The following PPP2R3B variants were observed in gnomAD, a reference collection of about 807,000 sequenced individuals.
PPP2R3B encodes the protein serine/threonine-protein phosphatase 2A regulatory subunit B'' subunit beta.
A neutral mutation model predicts 72.9 loss-of-function variants in PPP2R3B; 68 were observed. The observed-to-expected ratio is 0.93, with a 90% CI of 0.77 to 1.14. PPP2R3B has a LOEUF of 1.14. PPP2R3B is among the 50% of genes most tolerant of loss of function. The pLI is 0.00. For synonymous variants in PPP2R3B, 466 were observed against 375.8 expected, an observed-to-expected ratio of 1.24 and a Z score of -2.78; for missense variants, 1,018 against 842.0, an observed-to-expected ratio of 1.21 and a Z score of -2.59.
At position 334,277 on chromosome X, in the gene PPP2R3B, TC is replaced by T. The variant is rs2070823619; in HGVS notation, c.*89del. 3 of 1,336,262 alleles carry T rather than the reference TC, an allele frequency of 2.2e-6. No homozygotes were observed. The East Asian group carries it at 8.4e-5, about 38-fold the overall frequency. 82.8% of individuals were successfully genotyped at this position (1,336,262 alleles called of 1,614,324 possible). A position where few individuals can be genotyped will look rare whatever the true frequency, so the allele number is the denominator to read the frequency against. On this transcript the variant is annotated 3_prime_UTR_variant, in exon 13 of 13. Transcript: ENST00000390665. ...AGTTTATCATTCCGTACAAACGCAC[TC>T]ATTTTCCACAACAGTTTTTACACGA...
intron 5 of PPP2R3B, 159 bp downstream of exon 5, chrX:346,542 T>C (rs1342606280): frequency 1.1e-4 from 77 of 716,744 alleles, no homozygotes; most frequent in Admixed American, 7.5e-4. Flanking sequence ...AACACCGGGC[T>C]CCCGGGCGGG....
At position 386,722 on chromosome X, in the gene PPP2R3B, CG is replaced by C. The variant is rs1223231233; in HGVS notation, c.-32del. On this transcript the variant is annotated 5_prime_UTR_variant, in exon 1 of 13. Transcript: ENST00000390665. The stretch of plus-strand genomic sequence containing the variant: ...GGGCTGGGCCCGCGGCGCCCCCGGA[CG>C]CCCGCGCCCCGCCCCGCCCCGGGGG... 32 of 1,215,370 alleles carry C rather than the reference CG, an allele frequency of 2.6e-5. No homozygotes were observed. The Admixed American group carries it at 7.6e-4, about 29-fold the overall frequency. 75.3% of individuals were successfully genotyped at this position (1,215,370 alleles called of 1,614,324 possible).
Position 340,821 on chromosome X carries a change from A to C in PPP2R3B, c.1295T>G (p.Leu432Arg). 6.2e-7 allele frequency: 1 copy of C among 1,611,848 alleles called. No homozygotes were observed. Among genetic ancestry groups the C allele is most frequent in the East Asian group, 2.2e-5 (1 of 44,822 alleles). ...RRLDSMAIEALPFQDCLCQML... is the reference protein window; with the variant it reads ...RRLDSMAIEARPFQDCLCQML... ...CTGGCAGAGGCAGTCCTGGAAGGGC[A>C]GGGCCTCGATGGCCATGCTGTCCAG... The change falls in exon 10 of 13, where the codon CTG (leucine) becomes CGG (arginine). Residue 432 changes from leucine to arginine, a missense_variant. Leu to Arg is a moderately radical substitution (Grantham distance 102). Coordinates refer to ENST00000390665, the MANE Select transcript of PPP2R3B (RefSeq NM_013239.5).
intron 1 of PPP2R3B, 60 bp from the exon 2 acceptor site, chrX:361,650 C>G (rs2071544143): frequency 5.0e-6 from 8 of 1,590,844 alleles, no homozygotes; most frequent in Non-Finnish European, 6.9e-6. Flanking sequence ...CCTTCTTCAC[C>G]CGGACAACAC....
At chrX:352,497 G>A (rs1214413457) in intron 2 of PPP2R3B, among the ~76,000 whole-genome samples, 3 of 152,240 alleles carry the variant, frequency 2.0e-5, no homozygotes, top group Non-Finnish European at 4.4e-5. Context: ...CTCAGCACAT[G>A]CGTGTGGGAC....
chrX:364,385 T>G lies in PPP2R3B; in HGVS notation c.325-2795A>C, dbSNP rs1208661881. Among the ~76,000 whole-genome samples, 7 of 151,158 alleles carry G rather than the reference T, an allele frequency of 4.6e-5. No homozygotes were observed. The East Asian group carries it at 1.2e-3, about 25-fold the overall frequency. On this transcript the variant is annotated intron_variant, in intron 1 of 12. Coordinates refer to ENST00000390665, the MANE Select transcript of PPP2R3B (RefSeq NM_013239.5). ...GGTCACCAGGATGCTGCGAAAACCC[T>G]CAAACCGGCCGGGCTCGTGCCTGCA... is the stretch of plus-strand genomic sequence containing the variant.
At chrX:347,980 A>C (rs984596230) in intron 2 of PPP2R3B, 2 of 414,906 alleles carry the variant, frequency 4.8e-6, no homozygotes, top group African/African-American at 4.2e-5. Flanking sequence ...GCGTCTGGAA[A>C]TCAAGCGGCA....
chrX:356,825 G>GAGCCCCACAGTATCCACACCCTGCC (rs2071444226), intron 2 of PPP2R3B, among the ~76,000 whole-genome samples: 3 of 112,462 alleles, frequency 2.7e-5, no homozygotes, highest in African/African-American at 8.4e-5. Context: ...AGCCACACGG[G>GAGCCCCACAGTATCCACACCCTGCC]AGCCCCACGG....
At chrX:340,690 T>TCCGTCCCCTCACCCTGGG in intron 10 of PPP2R3B, 75 bp downstream of exon 10, 1 of 1,556,796 alleles carries the variant, frequency 6.4e-7, no homozygotes, top group Non-Finnish European at 8.7e-7. Flanking sequence ...CTCTCGCCCG[T>TCCGTCCCCTCACCCTGGG]CCGTCCCCTC....
intron 2 of PPP2R3B, 92 bp downstream of exon 2, chrX:361,313 G>A (rs1304126568): frequency 1.9e-5 from 27 of 1,436,012 alleles, no homozygotes; most frequent in Admixed American, 3.8e-5. Flanking sequence ...ACTCACGCTC[G>A]TGTGACACGC....
chrX:376,333 C>A (rs1482305343), intron 1 of PPP2R3B, among the ~76,000 whole-genome samples: 4 of 152,178 alleles, frequency 2.6e-5, no homozygotes, highest in Non-Finnish European at 5.9e-5. Flanking sequence ...GGAGCCCTTG[C>A]GTCCTGTCCC....
chrX:338,433 C>G (rs2070948988), intron 12 of PPP2R3B, 171 bp downstream of exon 12: 1 of 683,072 alleles, frequency 1.5e-6, no homozygotes, highest in African/African-American at 1.8e-5. Flanking sequence ...CTGTCCTTAC[C>G]TCACCGGCCC....
chrX:342,203 C>A, intron 7 of PPP2R3B: 1 of 590,706 alleles, frequency 1.7e-6, no homozygotes, highest in Non-Finnish European at 3.0e-6. Context: ...AATATTCAGG[C>A]CTCAAAGGTA....
At chrX:352,362 C>T (rs1279578609) in intron 2 of PPP2R3B, among the ~76,000 whole-genome samples, 8 of 152,390 alleles carry the variant, frequency 5.2e-5, no homozygotes, top group South Asian at 2.1e-4. Context: ...ACAGTCCCTT[C>T]GGCCCCTCCG....
intron 1 of PPP2R3B, among the ~76,000 whole-genome samples, chrX:382,275 G>A (rs1436693634): frequency 2.7e-5 from 4 of 149,092 alleles, no homozygotes; most frequent in African/African-American, 9.9e-5. Context: ...TCAGCTCACT[G>A]CAATCTCCGC....
chrX:345,174 G>A (rs1249921515), intron 7 of PPP2R3B: 9 of 554,814 alleles, frequency 1.6e-5, no homozygotes, highest in South Asian at 6.1e-5. Context: ...AGCTCCTGAG[G>A]GAAGGCGTGT....
chrX:380,888 A>C (rs1297705779), intron 1 of PPP2R3B, among the ~76,000 whole-genome samples: 1 of 150,984 alleles, frequency 6.6e-6, no homozygotes, highest in Non-Finnish European at 1.5e-5. Flanking sequence ...CCCCCCTAGC[A>C]GAAGCACCCT....
rs904327350 is a variant in PPP2R3B at position 341,493 on chromosome X, C to CCAA, written c.1086-98_1086-97insTTG. On this transcript the variant is annotated intron_variant, in intron 8 of 12. Coordinates refer to ENST00000390665, the MANE Select transcript of PPP2R3B (RefSeq NM_013239.5). ...CCACGCGCCTCGGTGAGGGGAGCCC[C>CCAA]CCGGGCCCGGCCCTCCTCCTGCCCC... The CCAA allele has an allele frequency of 3.5e-4, 460 of 1,318,128 alleles. 1 individual carries two copies. Among genetic ancestry groups the CCAA allele is most frequent in the South Asian group, 8.7e-4 (73 of 84,228 alleles). The allele number at this position is 1,318,128 out of a possible 1,614,324, so 81.7% of individuals were successfully genotyped here.
chrX:370,231 G>T (rs1487355935), intron 1 of PPP2R3B, among the ~76,000 whole-genome samples: 5 of 152,220 alleles, frequency 3.3e-5, no homozygotes, highest in Non-Finnish European at 5.9e-5. Context: ...AACTGGTGTG[G>T]AGGGGTCAAC....
Sources: gnomAD v4.1 joint callset for allele counts (sites outside exome capture counted in the v4.1 genomes callset) on GRCh38, gnomAD v4.1.1 for gene constraint, MANE v1.5 for transcripts, NCBI Gene and HGNC (gene_info 2026-07-23, HGNC 2026-07-21) for gene names.